The following CNNM2 variants were observed in gnomAD, a reference collection of about 807,000 sequenced individuals.
CNNM2 encodes the protein metal transporter CNNM2.
A neutral mutation model predicts 66.9 loss-of-function variants in CNNM2; 12 were observed. The ratio of observed to expected loss-of-function variants is 0.18; its 90% CI spans 0.11 to 0.29. The LOEUF (loss-of-function observed/expected upper bound fraction) is 0.29, where lower values mean the gene tolerates loss of function less well. CNNM2 is among the 10% of genes least tolerant of loss of function. CNNM2 has a pLI of 1.00. For missense variants in CNNM2, 705 were observed against 1,167.7 expected, an observed-to-expected ratio of 0.60 and a Z score of 5.77; for synonymous variants, 557 against 501.8, an observed-to-expected ratio of 1.11 and a Z score of -1.47.
In CNNM2 at chr10:103,088,033, C is replaced by T. The variant is rs1028095851; in HGVS notation, c.*10853C>T. ...CACCATGAATATAATCATGTTAGAA[C>T]ATAATCAGTTCTTGAATATTTATTT... On this transcript the variant is annotated 3_prime_UTR_variant, in exon 8 of 8. Coordinates refer to ENST00000369878, the MANE Select transcript of CNNM2 (RefSeq NM_017649.5). 9.9e-5 allele frequency: 15 copies of T among 152,202 alleles called. No individual in the cohort carries two copies. Among genetic ancestry groups the T allele is most frequent in the Admixed American group, 6.5e-4 (10 of 15,280 alleles). 9.4% of individuals were successfully genotyped at this position (152,202 alleles called of 1,614,324 possible).
chr10:103,089,403 G>C lies in CNNM2; in HGVS notation c.*12223G>C, dbSNP rs939017465. 2 of 347,270 alleles carry C rather than the reference G, an allele frequency of 5.8e-6. No homozygotes were observed. The highest frequency in any genetic ancestry group is 9.1e-5 in the East Asian group (2 of 22,078). The allele number at this position is 347,270 out of a possible 1,614,324, so 21.5% of individuals were successfully genotyped here. A position where few individuals can be genotyped will look rare whatever the true frequency, so the allele number is the denominator to read the frequency against. On this transcript the variant is annotated 3_prime_UTR_variant, in exon 8 of 8. Transcript: ENST00000369878. Reference sequence around the variant, plus strand: ...GATTTTAAAAGTGTCACAAGCCACAGTGGAGCCATATACATGCAGTTCAGC... The same window carrying C: ...GATTTTAAAAGTGTCACAAGCCACACTGGAGCCATATACATGCAGTTCAGC...
intron 1 of CNNM2, among the ~76,000 whole-genome samples, chr10:103,016,611 C>T (rs754172944): frequency 2.6e-5 from 4 of 152,138 alleles, no homozygotes; most frequent in South Asian, 2.1e-4. Flanking sequence ...CCATGCCAAG[C>T]GGTGTGATTA....
At chr10:103,007,981 C>T (rs903847316) in intron 1 of CNNM2, among the ~76,000 whole-genome samples, 42 of 152,202 alleles carry the variant, frequency 2.8e-4, no homozygotes, top group Non-Finnish European at 5.6e-4. Context: ...CCGGTCCCTC[C>T]GTTCGGGGTC....
chr10:103,053,046 G>T (rs1290131126), intron 2 of CNNM2, among the ~76,000 whole-genome samples: 1 of 152,120 alleles, frequency 6.6e-6, no homozygotes, highest in Non-Finnish European at 1.5e-5. Context: ...AAGCAATTGG[G>T]GTCTTGTCTT....
chr10:103,088,949 A>ATTCT lies in CNNM2; in HGVS notation c.*11774_*11777dup, dbSNP rs1244721787. ...TGTTCCTTTGTCCACTTGCAGCTAA[A>ATTCT]TTCTTTCTATAGATTTATCACAGAT... On this transcript the variant is annotated 3_prime_UTR_variant, in exon 8 of 8. Transcript: ENST00000369878. The ATTCT allele has an allele frequency of 2.8e-5, 6 of 210,916 alleles. No homozygotes were observed. Among genetic ancestry groups the ATTCT allele is most frequent in the East Asian group, 1.4e-4 (2 of 14,008 alleles). 13.1% of individuals were successfully genotyped at this position (210,916 alleles called of 1,614,324 possible). A position where few individuals can be genotyped will look rare whatever the true frequency, so the allele number is the denominator to read the frequency against.
At chr10:103,016,968 G>A (rs578053409) in intron 1 of CNNM2, among the ~76,000 whole-genome samples, 1 of 149,366 alleles carries the variant, frequency 6.7e-6, no homozygotes, top group East Asian at 2.0e-4. Context: ...TTGTCATATA[G>A]TTTTGTTTCC....
intron 1 of CNNM2, among the ~76,000 whole-genome samples, chr10:103,026,710 C>G (rs576998515): frequency 7.8e-4 from 118 of 151,150 alleles, no homozygotes; most frequent in African/African-American, 2.7e-3. Flanking sequence ...AGATAGCAGT[C>G]TATTAGACAA....
At chr10:102,991,321 C>T (rs1022551712) in intron 1 of CNNM2, among the ~76,000 whole-genome samples, 1 of 152,170 alleles carries the variant, frequency 6.6e-6, no homozygotes, top group East Asian at 1.9e-4. Context: ...TGTGCCCCTT[C>T]TCTTACTTGG....
chr10:103,081,431 T>C lies in CNNM2; in HGVS notation c.*4251T>C, dbSNP rs981015066. The C allele has an allele frequency of 3.3e-5, 5 of 152,148 alleles. No homozygotes were observed. Among genetic ancestry groups the C allele is most frequent in the South Asian group, 2.1e-4 (1 of 4,826 alleles). The allele number at this position is 152,148 out of a possible 1,614,324, so 9.4% of individuals were successfully genotyped here. On this transcript the variant is annotated 3_prime_UTR_variant, in exon 8 of 8. Coordinates refer to ENST00000369878, the MANE Select transcript of CNNM2 (RefSeq NM_017649.5). Reference sequence around the variant, plus strand: ...GTTAACCCAGAATTTAGTAGGGATATAGGGGTTTGAATAGGAAAGTGATCT... The same window carrying C: ...GTTAACCCAGAATTTAGTAGGGATACAGGGGTTTGAATAGGAAAGTGATCT...
At position 103,082,258 on chromosome 10, in the gene CNNM2, G is replaced by A. The variant is rs925621678; in HGVS notation, c.*5078G>A. The A allele has an allele frequency of 6.6e-6, 1 of 152,226 alleles. No individual in the cohort carries two copies. The highest frequency in any genetic ancestry group is 2.4e-5 in the African/African-American group (1 of 41,456). 9.4% of individuals were successfully genotyped at this position (152,226 alleles called of 1,614,324 possible). A position where few individuals can be genotyped will look rare whatever the true frequency, so the allele number is the denominator to read the frequency against. On this transcript the variant is annotated 3_prime_UTR_variant, in exon 8 of 8. Transcript: ENST00000369878. ...CTGATCCACATGGATTCACTTTTAG[G>A]ATGCAGTTCTTTGGGGGCCAGATTT...
chr10:102,949,768 C>T (rs1253431245), intron 1 of CNNM2, among the ~76,000 whole-genome samples: 2 of 151,924 alleles, frequency 1.3e-5, no homozygotes, highest in Non-Finnish European at 2.9e-5. Context: ...CCAGCTTGGG[C>T]AACAAGAGTG....
intron 4 of CNNM2, among the ~76,000 whole-genome samples, chr10:103,057,639 CT>C (rs34911576): frequency 6.6e-6 from 1 of 152,008 alleles, no homozygotes; most frequent in Non-Finnish European, 1.5e-5. Flanking sequence ...TTTTTCCATC[CT>C]TTTTTCCATC....
chr10:103,026,844 G>A (rs1414301609), intron 1 of CNNM2, among the ~76,000 whole-genome samples: 1 of 152,118 alleles, frequency 6.6e-6, no homozygotes, highest in East Asian at 1.9e-4. Flanking sequence ...AATTTTCCTT[G>A]CCTGTCTTCC....
rs66498944 is a variant in CNNM2, at chr10:102,976,611, A to ATT, written c.1621+56537_1621+56538dup. Among the ~76,000 whole-genome samples, 11,073 of 58,484 alleles carry ATT rather than the reference A, an allele frequency of 0.19. 1,785 individuals carry two copies. Among genetic ancestry groups the ATT allele is most frequent in the Non-Finnish European group, 0.22 (7,260 of 32,420 alleles). The allele number at this position is 58,484 out of a possible 152,430, so 38.4% of individuals were successfully genotyped here. On this transcript the variant is annotated intron_variant, in intron 1 of 7. Transcript: ENST00000369878. ...CAGGTGTGCGCCACACGCCCAGGTA[A>ATT]TTTTTTTTTTTTTTTTTTTTTTTTT...
At chr10:102,980,791 T>G (rs1215648600) in intron 1 of CNNM2, among the ~76,000 whole-genome samples, 2 of 152,230 alleles carry the variant, frequency 1.3e-5, no homozygotes, top group Non-Finnish European at 2.9e-5. Flanking sequence ...TATGACTACA[T>G]AAAGATTGTT....
chr10:102,923,800 G>C (rs752328488), intron 1 of CNNM2, among the ~76,000 whole-genome samples: 2 of 152,156 alleles, frequency 1.3e-5, no homozygotes, highest in East Asian at 3.8e-4. Context: ...TACTAACAAT[G>C]TGCTGTACTA....
intron 1 of CNNM2, among the ~76,000 whole-genome samples, chr10:103,032,432 C>T (rs931844230): frequency 1.3e-5 from 2 of 152,060 alleles, no homozygotes; most frequent in African/African-American, 4.8e-5. Context: ...ACCTGGGGGA[C>T]AGAGTGAGAC....
At chr10:102,966,157 T>C (rs1189603109) in intron 1 of CNNM2, among the ~76,000 whole-genome samples, 1 of 152,224 alleles carries the variant, frequency 6.6e-6, no homozygotes, top group Non-Finnish European at 1.5e-5. Flanking sequence ...GTGATTTCTG[T>C]ACTTGTATGA....
intron 1 of CNNM2, among the ~76,000 whole-genome samples, chr10:102,954,695 A>G (rs1846970693): frequency 1.3e-5 from 2 of 152,178 alleles, no homozygotes; most frequent in African/African-American, 4.8e-5. Context: ...TCGGGGAGAA[A>G]GACATTGCCA....
Sources: gnomAD v4.1 joint callset for allele counts (sites outside exome capture counted in the v4.1 genomes callset) on GRCh38, gnomAD v4.1.1 for gene constraint, MANE v1.5 for transcripts, NCBI Gene and HGNC (gene_info 2026-07-23, HGNC 2026-07-21) for gene names.